COL19A1: variants seen among roughly 807,000 people sequenced by gnomAD.
The protein encoded by COL19A1 is collagen type XIX alpha 1 chain, also known as collagen alpha-1(XIX) chain.
A neutral mutation model predicts 190.2 loss-of-function variants in COL19A1; 159 were observed. The observed-to-expected ratio is 0.84, with a 90% CI of 0.73 to 0.95. COL19A1 has a LOEUF of 0.95. COL19A1 is among the 40% of genes least tolerant of loss of function. The pLI, the probability that COL19A1 is intolerant of heterozygous loss-of-function variation, is 0.00. For synonymous variants in COL19A1, 509 were observed against 458.9 expected (o/e 1.11, Z -1.39); for missense variants, 1,418 against 1,431.9 (o/e 0.99, Z 0.16).
At position 69,866,557 on chromosome 6, in the gene COL19A1, C is replaced by T. The variant is rs1767450408; in HGVS notation, c.-116C>T. 1 of 152,432 alleles carries T rather than the reference C, an allele frequency of 6.6e-6. No individual in the cohort carries two copies. Among genetic ancestry groups the T allele is most frequent in the African/African-American group, 2.4e-5 (1 of 41,454 alleles). The allele number at this position is 152,432 out of a possible 1,614,324, so 9.4% of individuals were successfully genotyped here. A position where few individuals can be genotyped will look rare whatever the true frequency, so the allele number is the denominator to read the frequency against. On this transcript the variant is annotated 5_prime_UTR_variant, in exon 1 of 51. Coordinates refer to ENST00000620364, the MANE Select transcript of COL19A1 (RefSeq NM_001858.6). ...GGCAGAGATGCGTCCCCCTTCCCCA[C>T]TCGCAGGGAGCTCACTCCTCGGCGG...
intron 9 of COL19A1, among the ~76,000 whole-genome samples, chr6:69,958,428 A>T (rs1235708749): frequency 6.6e-6 from 1 of 152,174 alleles, no homozygotes; most frequent in Non-Finnish European, 1.5e-5. Flanking sequence ...CCATTTCCAT[A>T]GACTGTTTCC....
chr6:70,140,957 G>A lies in COL19A1; in HGVS notation c.1450G>A (p.Glu484Lys). The change falls in exon 20 of 51, where the codon GAG becomes AAG. Residue 484 changes from glutamate to lysine, a missense_variant. Physicochemically the swap from Glu to Lys is moderately conservative, Grantham distance 56. Transcript: ENST00000620364. ...ATTTTCTACCCCTTCTCCTTAGGGAGAGCCTTTTACAAAAGGAGAAAAAGG... is the reference window on the plus strand; with the variant it reads ...ATTTTCTACCCCTTCTCCTTAGGGAAAGCCTTTTACAAAAGGAGAAAAAGG... ...GPKGQKGEPGEPFTKGEKGDR... is the reference protein window; with the variant it reads ...GPKGQKGEPGKPFTKGEKGDR... 2 of 1,610,652 alleles carry A rather than the reference G, an allele frequency of 1.2e-6. No individual in the cohort carries two copies. Among genetic ancestry groups the A allele is most frequent in the Non-Finnish European group, 1.7e-6 (2 of 1,177,514 alleles).
At chr6:69,935,780 A>G (rs981219782) in intron 7 of COL19A1, among the ~76,000 whole-genome samples, 9 of 152,056 alleles carry the variant, frequency 5.9e-5, no homozygotes, top group African/African-American at 1.9e-4. Flanking sequence ...CAGGTTTGTT[A>G]CATAGGTAAA....
chr6:69,991,708 C>T (rs995168968), intron 11 of COL19A1, among the ~76,000 whole-genome samples: 9 of 151,878 alleles, frequency 5.9e-5, no homozygotes, highest in Admixed American at 3.9e-4. Context: ...GTCCTGTTCA[C>T]GTCTTTTGCC....
intron 11 of COL19A1, among the ~76,000 whole-genome samples, chr6:69,997,787 A>G (rs1777008393): frequency 6.6e-6 from 1 of 152,164 alleles, no homozygotes; most frequent in Admixed American, 6.5e-5. Flanking sequence ...TGGGAATCCC[A>G]GGAGAAAGGA....
At chr6:69,992,104 C>T (rs1398114594) in intron 11 of COL19A1, among the ~76,000 whole-genome samples, 3 of 152,104 alleles carry the variant, frequency 2.0e-5, no homozygotes, top group African/African-American at 7.2e-5. Context: ...GGTCCAGTTT[C>T]AATCTTCTGC....
intron 16 of COL19A1, among the ~76,000 whole-genome samples, chr6:70,114,361 G>C (rs982589744): frequency 1.3e-5 from 2 of 152,078 alleles, no homozygotes. Flanking sequence ...CAAGGCAGTG[G>C]GGTCAGACAG....
In COL19A1 at chr6:69,940,993, G is replaced by C. The variant is rs139545614; in HGVS notation, c.936+2893G>C. 1.6e-4 allele frequency among the ~76,000 whole-genome samples: 24 copies of C among 152,282 alleles called. 1 individual carries two copies. The highest frequency in any genetic ancestry group is 5.8e-4 in the African/African-American group (24 of 41,578). ...CATGTAATTGTCATTATTAGAGCAGGTGCACAAAATAATGCCTACATAACT... is the reference window on the plus strand; with the variant it reads ...CATGTAATTGTCATTATTAGAGCAGCTGCACAAAATAATGCCTACATAACT... On this transcript the variant is annotated intron_variant, in intron 9 of 50. Transcript: ENST00000620364.
chr6:70,070,790 T>C (rs1306775424), intron 15 of COL19A1, among the ~76,000 whole-genome samples: 5 of 152,140 alleles, frequency 3.3e-5, no homozygotes, highest in Admixed American at 2.6e-4. Context: ...CATATGTGTG[T>C]ATACATACAG....
chr6:70,006,535 T>C (rs1777637308), intron 11 of COL19A1, among the ~76,000 whole-genome samples: 1 of 152,172 alleles, frequency 6.6e-6, no homozygotes, highest in South Asian at 2.1e-4. Context: ...CACACGCTTA[T>C]TATGGTTCTT....
intron 11 of COL19A1, among the ~76,000 whole-genome samples, chr6:69,981,049 G>A (rs1008088963): frequency 1.8e-4 from 28 of 152,096 alleles, no homozygotes; most frequent in African/African-American, 6.8e-4. Context: ...TATTTTTTAA[G>A]TGGTATAAGC....
At chr6:69,989,780 C>T (rs76372845) in intron 11 of COL19A1, among the ~76,000 whole-genome samples, 3,681 of 152,116 alleles carry the variant, frequency 0.024, 86 homozygotes, top group East Asian at 0.13. Flanking sequence ...CTGGCTCTCC[C>T]ACTTTACTAT....
At position 69,960,055 on chromosome 6, in the gene COL19A1, A is replaced by C. The variant is rs368971292; in HGVS notation, c.981+15A>C. 1.2e-6 allele frequency: 2 copies of C among 1,607,318 alleles called. No homozygotes were observed. Among genetic ancestry groups the C allele is most frequent in the Non-Finnish European group, 1.7e-6 (2 of 1,177,228 alleles). On this transcript the variant is annotated intron_variant, in intron 10 of 50. Transcript: ENST00000620364. ...CTGGTCAAAAGGTAAAGAGTTCTTG[A>C]ATGTTTCATCTGAGTTAAGAATTTT...
chr6:69,888,509 GA>G (rs752517731), intron 2 of COL19A1, among the ~76,000 whole-genome samples: 250 of 144,152 alleles, frequency 1.7e-3, no homozygotes, highest in Non-Finnish European at 2.7e-3. Context: ...GAGAAGAAAG[GA>G]AAAAAAAAAA....
At chr6:70,022,314 T>A (rs1444313754) in intron 11 of COL19A1, among the ~76,000 whole-genome samples, 2 of 152,146 alleles carry the variant, frequency 1.3e-5, no homozygotes, top group Non-Finnish European at 2.9e-5. Flanking sequence ...TTTAAACACC[T>A]TACTGATTGT....
At chr6:70,112,413 T>C (rs761621454) in intron 16 of COL19A1, among the ~76,000 whole-genome samples, 7 of 152,196 alleles carry the variant, frequency 4.6e-5, no homozygotes, top group Non-Finnish European at 8.8e-5. Flanking sequence ...ATAATATTTT[T>C]CCTTTTTCAG....
rs574757420 is a variant in COL19A1 at position 69,879,392 on chromosome 6, C to A, written c.-32-144C>A. Reference sequence around the variant, plus strand: ...AGATTAAGGTATATATTGAGATACACCATTGCATATATAATCATATTTCCT... The same window carrying A: ...AGATTAAGGTATATATTGAGATACAACATTGCATATATAATCATATTTCCT... On this transcript the variant is annotated intron_variant, in intron 1 of 50. Coordinates refer to ENST00000620364, the MANE Select transcript of COL19A1 (RefSeq NM_001858.6). 2.5e-5 allele frequency: 15 copies of A among 597,506 alleles called. No individual in the cohort carries two copies. The African/African-American group carries it at 2.6e-4, about 10-fold the overall frequency. The allele number at this position is 597,506 out of a possible 1,614,324, so 37.0% of individuals were successfully genotyped here.
rs185665367 is a variant in COL19A1, at chr6:69,891,749, C to T, written c.92-7199C>T. Among the ~76,000 whole-genome samples the T allele has an allele frequency of 2.3e-3, 349 of 152,346 alleles. 2 individuals carry two copies. Among genetic ancestry groups the T allele is most frequent in the Non-Finnish European group, 3.2e-3 (221 of 68,036 alleles). On this transcript the variant is annotated intron_variant, in intron 2 of 50. Transcript: ENST00000620364. ...CTGTCAGTAGCTTTGGAGTTCCCTACACCTCATTTATGCCATGGATATTAA... is the reference window on the plus strand; with the variant it reads ...CTGTCAGTAGCTTTGGAGTTCCCTATACCTCATTTATGCCATGGATATTAA...
chr6:70,156,166 A>G lies in COL19A1; in HGVS notation c.2119A>G (p.Lys707Glu), dbSNP rs569823048. The part of the protein sequence containing the change: ...GNCQASVPGL[K>E]SNKGEEGGAG... Reference sequence around the variant, plus strand: ...CTGCCAAGCCAGTGTCCCAGGGCTGAAAAGCAACAAAGGAGAAGAAGGAGG... The same window carrying G: ...CTGCCAAGCCAGTGTCCCAGGGCTGGAAAGCAACAAAGGAGAAGAAGGAGG... Residue 707 changes from lysine to glutamate, a missense_variant, in exon 32 of 51, where the codon AAA becomes GAA. Physicochemically the swap from Lys to Glu is moderately conservative, Grantham distance 56 (BLOSUM62 1). Transcript: ENST00000620364. The G allele has an allele frequency of 1.2e-6, 2 of 1,613,150 alleles. No individual in the cohort carries two copies. Among genetic ancestry groups the G allele is most frequent in the East Asian group, 2.2e-5 (1 of 44,814 alleles).
Sources: allele counts gnomAD v4.1 joint callset (sites outside exome capture counted in the v4.1 genomes callset), GRCh38; gene constraint gnomAD v4.1.1; transcripts MANE v1.5; gene names NCBI Gene and HGNC (gene_info 2026-07-23, HGNC 2026-07-21).